The following STAT6 variants were observed in gnomAD, a reference collection of about 807,000 sequenced individuals.
The protein encoded by STAT6 is signal transducer and activator of transcription 6.
STAT6 carries 45 observed loss-of-function variants against 106.3 expected under a neutral mutation model. The ratio of observed to expected loss-of-function variants is 0.42; its 90% CI spans 0.33 to 0.54. STAT6 has a LOEUF of 0.54. Ranked by LOEUF, STAT6 falls within the 20% of genes least tolerant of loss-of-function variation. The pLI is 0.06. For synonymous variants in STAT6, 413 were observed against 413.6 expected (o/e 1.00, Z 0.02); for missense variants, 797 against 1,062.2 (o/e 0.75, Z 3.47).
chr12:57,100,111 G>A (rs1467558099), intron 13 of STAT6, 21 bp from the exon 14 acceptor site: 2 of 1,571,866 alleles, frequency 1.3e-6, no homozygotes, highest in South Asian at 2.3e-5. Context: ...AGGGGGAAAG[G>A]TGTGAGCCGA....
rs1209293932 is a variant in STAT6, at chr12:57,106,286, G to C, written c.585C>G (p.Ala195=). Residue 195 remains alanine (A), a synonymous_variant, in exon 7 of 22, where the codon GCC becomes GCG. Coordinates refer to ENST00000300134, the MANE Select transcript of STAT6 (RefSeq NM_003153.5). ...ETTGELEAAK[A]LVLKRIQIWK... ...AAATCTGGATCCTCTTCAGCACTAG[G>C]GCTTTGGCTGCCTCTAGCTCTCCAG... 1.2e-6 allele frequency: 2 copies of C among 1,614,224 alleles called. No homozygotes were observed. The highest frequency in any genetic ancestry group is 2.2e-5 in the East Asian group (1 of 44,880).
At position 57,099,843 on chromosome 12, in the gene STAT6, G is replaced by T. The variant is rs200320498; in HGVS notation, c.1668C>A (p.Asp556Glu). ...CGCTGAAGCGGAGGAGAAAGGTTCC[G>T]TCGGGCTCATTGAGAAGAAGGCTAG... ...YVTSLLLNEPDGTFLLRFSDS... is the reference protein window; with the variant it reads ...YVTSLLLNEPEGTFLLRFSDS... The change falls in exon 15 of 22, where the codon GAC (aspartate) becomes GAA (glutamate). Residue 556 changes from aspartate (D) to glutamate (E), a missense_variant. Asp to Glu is a conservative substitution (Grantham distance 45). Around this residue, in one of 4 missense-constraint regions of STAT6, gnomAD observed 222 missense variants for 354.6 expected, o/e 0.63. Transcript: ENST00000300134. This position sits in a 1 kb window ranked among gnomAD's most constrained non-coding sequence, Gnocchi z 4.7. 6.2e-7 allele frequency: 1 copy of T among 1,614,230 alleles called. No individual in the cohort carries two copies. Among genetic ancestry groups the T allele is most frequent in the South Asian group, 1.1e-5 (1 of 91,082 alleles).
chr12:57,097,643 G>C (rs1021313900), intron 19 of STAT6, among the ~76,000 whole-genome samples: 7 of 152,168 alleles, frequency 4.6e-5, no homozygotes, highest in African/African-American at 1.7e-4. Flanking sequence ...TATAATCAAG[G>C]CCAGGCAGAG....
intron 19 of STAT6, among the ~76,000 whole-genome samples, chr12:57,097,831 C>T (rs1356634605): frequency 2.0e-5 from 3 of 151,740 alleles, no homozygotes; most frequent in South Asian, 2.1e-4. Flanking sequence ...GCCCAAGAGG[C>T]GGAGGTTGCA....
In STAT6 at chr12:57,104,570, T is replaced by C; in HGVS notation, c.1106A>G (p.Lys369Arg). The C allele has an allele frequency of 1.2e-6, 2 of 1,614,054 alleles. No homozygotes were observed. The highest frequency in any genetic ancestry group is 1.7e-6 in the Non-Finnish European group (2 of 1,179,978). ...LFKNLLLKKI[K>R]RCERKGTESV... ...CTCAGTGCCCTTCCGCTCACACCGC[T>C]TGATCTTCTTGAGAAGCTGTGGGTG... The change falls in exon 11 of 22, where the codon AAG becomes AGG. Residue 369 changes from lysine (K) to arginine (R), a missense_variant. By Grantham distance (26) the Lys-to-Arg change is conservative. Transcript: ENST00000300134.
Position 57,096,269 on chromosome 12 carries a change from A to C in STAT6, c.*303T>G. 1 of 342,592 alleles carries C rather than the reference A, an allele frequency of 2.9e-6. No homozygotes were observed. The highest frequency in any genetic ancestry group is 6.3e-5 in the East Asian group (1 of 15,800). 21.2% of individuals were successfully genotyped at this position (342,592 alleles called of 1,614,324 possible). A position where few individuals can be genotyped will look rare whatever the true frequency, so the allele number is the denominator to read the frequency against. Reference sequence around the variant, plus strand: ...CCCCATCACCCTCAGAGAGCTCTGTATGTGTGTGTGCGTGCGTGTGCGCGC... The same window carrying C: ...CCCCATCACCCTCAGAGAGCTCTGTCTGTGTGTGTGCGTGCGTGTGCGCGC... On this transcript the variant is annotated 3_prime_UTR_variant, in exon 22 of 22. Coordinates refer to ENST00000300134, the MANE Select transcript of STAT6 (RefSeq NM_003153.5).
At chr12:57,104,332 C>T in intron 11 of STAT6, 132 bp downstream of exon 11, 1 of 1,337,168 alleles carries the variant, frequency 7.5e-7, no homozygotes, top group Non-Finnish European at 1.0e-6. Flanking sequence ...CTCACCCGGG[C>T]CCCAGTGTGC....
chr12:57,101,899 A>G (rs1376698104), intron 13 of STAT6, among the ~76,000 whole-genome samples: 1 of 152,164 alleles, frequency 6.6e-6, no homozygotes, highest in African/African-American at 2.4e-5. Context: ...TCCTGACCTC[A>G]GGTGATCCAC....
chr12:57,106,038 A>G, intron 7 of STAT6, 153 bp downstream of exon 7: 1 of 1,320,078 alleles, frequency 7.6e-7, no homozygotes, highest in Non-Finnish European at 1.0e-6. Context: ...CCTGAACGAC[A>G]GTGTGCACAG....
rs764199975 is a variant in STAT6 at position 57,097,141 on chromosome 12, T to C, written c.2160-8A>G. The C allele has an allele frequency of 2.1e-5, 31 of 1,508,412 alleles. No individual in the cohort carries two copies. Among genetic ancestry groups the C allele is most frequent in the Non-Finnish European group, 2.7e-5 (31 of 1,129,376 alleles). 93.4% of individuals were successfully genotyped at this position (1,508,412 alleles called of 1,614,324 possible). A position where few individuals can be genotyped will look rare whatever the true frequency, so the allele number is the denominator to read the frequency against. ...GGCATCTGCAGGTGAGGCCTGGAAG[T>C]AGGGAGAGCACAGTTAGAGGAAGGC... On this transcript the variant is annotated splice_region_variant and splice_polypyrimidine_tract_variant and intron_variant, in intron 19 of 21. Coordinates refer to ENST00000300134, the MANE Select transcript of STAT6 (RefSeq NM_003153.5).
intron 13 of STAT6, chr12:57,100,703 AAAGAAAGAAAGAAAGAAAGAAAG>A (rs1592554140): frequency 2.5e-5 from 1 of 40,230 alleles, no homozygotes; most frequent in East Asian, 5.9e-4. Flanking sequence ...AAAGAAAGAG[AAAGAAAGAAAGAAAGAAAGAAAG>A]AAAGAAAGAA....
At chr12:57,110,719 G>GC (rs1246284198) in intron 1 of STAT6, among the ~76,000 whole-genome samples, 2 of 152,098 alleles carry the variant, frequency 1.3e-5, no homozygotes, top group Non-Finnish European at 2.9e-5. Flanking sequence ...TCACGCCCCA[G>GC]CCACACCCTT....
Position 57,096,975 on chromosome 12 carries a change from G to A in STAT6, c.2229C>T (p.Gly743=), listed in dbSNP as rs2033480482. The A allele has an allele frequency of 4.3e-6, 7 of 1,612,762 alleles. No individual in the cohort carries two copies. In the African/African-American group the frequency reaches 6.7e-5, roughly 15 times the overall value. Residue 743 remains glycine (G), a synonymous_variant, in exon 21 of 22, where the codon GGC becomes GGT. Coordinates refer to ENST00000300134, the MANE Select transcript of STAT6 (RefSeq NM_003153.5). ...GCTCCTGAGGCTGGCACGGCAGCAG[G>A]CCCCTGCCAGGAACCAGCAATGGAA... ...SLPFDQPHPQ[G]LLPCQPQEHA...
intron 7 of STAT6, 119 bp from the exon 8 acceptor site, chr12:57,105,718 G>A (rs2034230365): frequency 7.0e-7 from 1 of 1,436,148 alleles, no homozygotes; most frequent in East Asian, 2.5e-5. Flanking sequence ...GGTGGGTAGT[G>A]GGTGTGGCTG....
At chr12:57,101,014 G>A (rs2033894294) in intron 13 of STAT6, 3 of 275,018 alleles carry the variant, frequency 1.1e-5, no homozygotes, top group Non-Finnish European at 1.5e-5. Context: ...GTCAACACGT[G>A]GTAGCTGGTA....
At position 57,111,146 on chromosome 12, in the gene STAT6, T is replaced by A. The variant is rs2034559677; in HGVS notation, c.-39A>T. The stretch of plus-strand genomic sequence containing the variant: ...CCCCTCACCTCGGCAACCCCTCTGC[T>A]GTCTTCTCCCTTTCTCAGCGGGCAC... On this transcript the variant is annotated 5_prime_UTR_variant, in exon 1 of 22. Coordinates refer to ENST00000300134, the MANE Select transcript of STAT6 (RefSeq NM_003153.5). 6.8e-6 allele frequency: 1 copy of A among 146,650 alleles called. No homozygotes were observed. The highest frequency in any genetic ancestry group is 6.9e-5 in the Admixed American group (1 of 14,530). The allele number at this position is 146,650 out of a possible 1,614,324, so 9.1% of individuals were successfully genotyped here.
intron 13 of STAT6, 39 bp from the exon 14 acceptor site, chr12:57,100,129 C>T: frequency 6.5e-7 from 1 of 1,542,120 alleles, no homozygotes; most frequent in Non-Finnish European, 8.8e-7. Flanking sequence ...CGAGGGAGGG[C>T]CAGAGCTGGA....
intron 2 of STAT6, among the ~76,000 whole-genome samples, 198 bp downstream of exon 2, chr12:57,107,965 T>G (rs561655947): frequency 1.3e-5 from 2 of 152,328 alleles, no homozygotes; most frequent in South Asian, 4.1e-4. Context: ...CTCAGCCTCC[T>G]AAGAGATGGG....
At chr12:57,101,460 T>C (rs1049051700) in intron 13 of STAT6, among the ~76,000 whole-genome samples, 18 of 148,558 alleles carry the variant, frequency 1.2e-4, no homozygotes, top group Non-Finnish European at 2.5e-4. Flanking sequence ...CTGCAGCCTC[T>C]ACCTCCTGGG....
Sources: allele counts gnomAD v4.1 joint callset (sites outside exome capture counted in the v4.1 genomes callset), GRCh38; gene constraint gnomAD v4.1.1; regional missense constraint gnomAD v4.1.1; non-coding constraint Gnocchi (gnomAD v3.1); transcripts MANE v1.5; gene names NCBI Gene and HGNC (gene_info 2026-07-23, HGNC 2026-07-21).